Variants in SLC6A12 observed in about 807,000 individuals in gnomAD.
SLC6A12 encodes sodium- and chloride-dependent betaine transporter.
Under a neutral mutation model 73.3 loss-of-function variants are expected in SLC6A12, and 50 were observed. That is an observed-to-expected ratio of 0.68 (90% CI 0.54 to 0.86). The LOEUF (loss-of-function observed/expected upper bound fraction) is 0.86, where lower values mean the gene tolerates loss of function less well. Ranked by LOEUF, SLC6A12 falls within the 40% of genes least tolerant of loss-of-function variation. SLC6A12 has a pLI of 0.00. For missense variants in SLC6A12, 648 were observed against 772.8 expected (o/e 0.84, Z 1.92); for synonymous variants, 304 against 309.2 (o/e 0.98, Z 0.18).
downstream of SLC6A12, among the ~76,000 whole-genome samples, chr12:186,048 A>T (rs1330175866): frequency 1.3e-5 from 2 of 152,126 alleles, no homozygotes; most frequent in Non-Finnish European, 2.9e-5. Context: ...CACAGCAAGG[A>T]CAGGGTGAGC....
intron 3 of SLC6A12, 29 bp from the exon 4 acceptor site, chr12:204,727 C>T: frequency 6.2e-7 from 1 of 1,612,370 alleles, no homozygotes; most frequent in Non-Finnish European, 8.5e-7. Flanking sequence ...CAGGGCTGAG[C>T]CACACCCGGG....
At chr12:202,549 A>C in intron 5 of SLC6A12, among the ~76,000 whole-genome samples, 191 bp downstream of exon 5, 1 of 152,172 alleles carries the variant, frequency 6.6e-6, no homozygotes, top group Non-Finnish European at 1.5e-5. Context: ...TCTCCCAACC[A>C]CACTGACTCG....
At chr12:208,718 G>A (rs912390832) in intron 3 of SLC6A12, among the ~76,000 whole-genome samples, 1 of 152,092 alleles carries the variant, frequency 6.6e-6, no homozygotes, top group Non-Finnish European at 1.5e-5. Flanking sequence ...GAGCGACTGC[G>A]AATGAATATA....
intron 2 of SLC6A12, 30 bp from the exon 3 acceptor site, chr12:210,073 AACCCGACATGC>A: frequency 1.3e-6 from 2 of 1,534,118 alleles, no homozygotes; most frequent in Non-Finnish European, 1.8e-6. Flanking sequence ...TTAGCTGTAA[AACCCGACATGC>A]TCCCGCCAGC....
chr12:196,042 T>C, intron 12 of SLC6A12, 82 bp downstream of exon 12: 1 of 1,343,344 alleles, frequency 7.4e-7, no homozygotes, highest in Non-Finnish European at 1.0e-6. Flanking sequence ...ATAAGAAAAG[T>C]GAGGCTCTGA....
downstream of SLC6A12, among the ~76,000 whole-genome samples, chr12:185,725 A>G (rs1359859173): frequency 6.6e-6 from 1 of 152,150 alleles, no homozygotes; most frequent in Non-Finnish European, 1.5e-5. Context: ...CAGGTTCCTC[A>G]GACCTGACAG....
chr12:208,930 T>C (rs1940781864), intron 3 of SLC6A12, among the ~76,000 whole-genome samples: 1 of 152,008 alleles, frequency 6.6e-6, no homozygotes, highest in Non-Finnish European at 1.5e-5. Context: ...AAAGGCAAGG[T>C]ATTTCTCCAA....
chr12:206,564 A>G (rs1940655484), intron 3 of SLC6A12, among the ~76,000 whole-genome samples: 1 of 152,238 alleles, frequency 6.6e-6, no homozygotes, highest in Admixed American at 6.5e-5. Flanking sequence ...AAACTCTTGC[A>G]CCAATCTGCA....
At chr12:187,579 T>TGCAAAAGAGCAAAAGA (rs1464785564), downstream of SLC6A12, among the ~76,000 whole-genome samples, 569 of 92,908 alleles carry the variant, frequency 6.1e-3, 12 homozygotes, top group African/African-American at 0.024. Flanking sequence ...CAAGATTTAC[T>TGCAAAAGAGCAAAAGA]GCAAAAGAGC....
At chr12:187,597 A>AGAAG (rs1565461291), downstream of SLC6A12, among the ~76,000 whole-genome samples, 2 of 6,678 alleles carry the variant, frequency 3.0e-4, no homozygotes, top group Non-Finnish European at 1.8e-3. Context: ...AGCAAAAAAA[A>AGAAG]AAAAAAAAAA....
At chr12:197,174 C>CATCCATCTATCCATCCATCT (rs1939947593) in intron 10 of SLC6A12, among the ~76,000 whole-genome samples, 17 of 12,064 alleles carry the variant, frequency 1.4e-3, no homozygotes, top group East Asian at 8.6e-3. Flanking sequence ...TCCATCCATC[C>CATCCATCTATCCATCCATCT]ATCCATCCAT....
intron 11 of SLC6A12, 80 bp from the exon 12 acceptor site, chr12:196,341 C>T: frequency 1.4e-5 from 21 of 1,494,540 alleles, no homozygotes; most frequent in Non-Finnish European, 1.9e-5. Flanking sequence ...CTTCCCCTGG[C>T]TCATCCACAC....
chr12:202,642 T>G (rs975266088), intron 5 of SLC6A12, 98 bp downstream of exon 5: 2 of 1,311,620 alleles, frequency 1.5e-6, no homozygotes, highest in East Asian at 2.4e-5. Flanking sequence ...GCCAGGCAGG[T>G]TCTGCTACAC....
Position 213,524 on chromosome 12 carries a change from T to C in SLC6A12, c.-143+398A>G, listed in dbSNP as rs562596824. On this transcript the variant is annotated intron_variant, in intron 1 of 15. Transcript: ENST00000684302. This position sits in a 1 kb window ranked among gnomAD's most constrained non-coding sequence, Gnocchi z 5.3. ...GGAACCCCTCACCTGTGATCATTTA[T>C]TGCAGTTCCTGGGCCCTCGGGAATG... is the stretch of plus-strand genomic sequence containing the variant. The C allele has an allele frequency of 6.6e-6, 1 of 152,574 alleles. No homozygotes were observed. Among genetic ancestry groups the C allele is most frequent in the South Asian group, 2.1e-4 (1 of 4,832 alleles). 9.5% of individuals were successfully genotyped at this position (152,574 alleles called of 1,614,324 possible). A position where few individuals can be genotyped will look rare whatever the true frequency, so the allele number is the denominator to read the frequency against.
rs756457361 is a variant in SLC6A12, at chr12:198,040, C to A, written c.847-37G>T. The A allele has an allele frequency of 6.4e-7, 1 of 1,570,866 alleles. No homozygotes were observed. The highest frequency in any genetic ancestry group is 8.8e-7 in the Non-Finnish European group (1 of 1,141,374). On this transcript the variant is annotated intron_variant, in intron 8 of 15. Coordinates refer to ENST00000684302, the MANE Select transcript of SLC6A12 (RefSeq NM_001122848.3). The surrounding 1 kb of genome is among the most constrained non-coding windows in gnomAD (Gnocchi z 4.0). Reference sequence around the variant, plus strand: ...CCCAAGAAAGAGGTAGAGGCAGCCCCCAGGGCCCAGAGCCAGGGTGACCCG... The same window carrying A: ...CCCAAGAAAGAGGTAGAGGCAGCCCACAGGGCCCAGAGCCAGGGTGACCCG...
At chr12:187,798 C>T (rs893542367), downstream of SLC6A12, among the ~76,000 whole-genome samples, 30 of 151,844 alleles carry the variant, frequency 2.0e-4, no homozygotes, top group African/African-American at 7.0e-4. Context: ...CTGATTGGTC[C>T]GTTTTGACAG....
chr12:196,668 G>A, intron 11 of SLC6A12, 102 bp downstream of exon 11: 1 of 829,570 alleles, frequency 1.2e-6, no homozygotes, highest in Non-Finnish European at 2.0e-6. Flanking sequence ...GGCCTCAGGT[G>A]TGTGGTCAGG....
chr12:210,069 G>A (rs2137212564), intron 2 of SLC6A12, 26 bp from the exon 3 acceptor site: 1 of 1,543,414 alleles, frequency 6.5e-7, no homozygotes, highest in South Asian at 1.2e-5. Flanking sequence ...GAAATTAGCT[G>A]TAAAACCCGA....
chr12:200,311 T>C (rs981714569), intron 7 of SLC6A12, among the ~76,000 whole-genome samples: 4 of 151,626 alleles, frequency 2.6e-5, no homozygotes, highest in African/African-American at 7.3e-5. Context: ...GGTTTTACCG[T>C]GTTAGCCAGG....
Sources: gnomAD v4.1 joint callset for allele counts (sites outside exome capture counted in the v4.1 genomes callset) on GRCh38, gnomAD v4.1.1 for gene constraint, Gnocchi (gnomAD v3.1) non-coding constraint, MANE v1.5 for transcripts, NCBI Gene and HGNC (gene_info 2026-07-23, HGNC 2026-07-21) for gene names.